The following SPMIP2 variants were observed in gnomAD, a reference collection of about 807,000 sequenced individuals.
SPMIP2 encodes protein SPMIP2.
chr4:158,894,438 C>T, the SPMIP2 span, among the ~76,000 whole-genome samples: 1 of 152,052 alleles, frequency 6.6e-6, no homozygotes, highest in East Asian at 1.9e-4. Flanking sequence ...TCCCAAAGTG[C>T]TAGGATTACA....
At chr4:159,055,072 T>C in the SPMIP2 span, among the ~76,000 whole-genome samples, 3 of 152,186 alleles carry the variant, frequency 2.0e-5, no homozygotes, top group Non-Finnish European at 2.9e-5. Flanking sequence ...ATCAGAAATA[T>C]TGGAGGCTGG....
At chr4:158,916,500 A>C in the SPMIP2 span, among the ~76,000 whole-genome samples, 1 of 152,184 alleles carries the variant, frequency 6.6e-6, no homozygotes, top group African/African-American at 2.4e-5. Context: ...GGCTGTCTCC[A>C]GCAGACCCTC....
chr4:159,027,443 A>T, the SPMIP2 span, among the ~76,000 whole-genome samples: 1 of 152,210 alleles, frequency 6.6e-6, no homozygotes, highest in Non-Finnish European at 1.5e-5. Context: ...ATTTTGATTC[A>T]GGGCAAACTG....
the SPMIP2 span, among the ~76,000 whole-genome samples, chr4:159,050,558 T>A: frequency 3.2e-4 from 49 of 152,190 alleles, no homozygotes; most frequent in African/African-American, 1.2e-3. Flanking sequence ...ATCCCAGCAC[T>A]TTATGAGGCT....
chr4:158,945,524 T>C, the SPMIP2 span, among the ~76,000 whole-genome samples: 3 of 151,932 alleles, frequency 2.0e-5, no homozygotes, highest in Non-Finnish European at 4.4e-5. Flanking sequence ...ATACAGTGAG[T>C]TCCAAGAAAA....
the SPMIP2 span, among the ~76,000 whole-genome samples, chr4:158,956,304 G>A: frequency 2.0e-4 from 30 of 152,192 alleles, no homozygotes; most frequent in African/African-American, 9.7e-5. Flanking sequence ...GGTGGCTCAC[G>A]CCTGTAATCC....
chr4:159,072,726 G>A, the SPMIP2 span, among the ~76,000 whole-genome samples: 27 of 152,108 alleles, frequency 1.8e-4, no homozygotes, highest in South Asian at 5.6e-3. Flanking sequence ...GCCTCCCAAA[G>A]TGCTGGGATT....
At chr4:159,069,830 C>A in the SPMIP2 span, among the ~76,000 whole-genome samples, 128 of 151,956 alleles carry the variant, frequency 8.4e-4, no homozygotes, top group Non-Finnish European at 1.2e-3. Flanking sequence ...TCTTGACTAA[C>A]CATTTAAATA....
At chr4:158,978,611 G>A in the SPMIP2 span, among the ~76,000 whole-genome samples, 1 of 152,190 alleles carries the variant, frequency 6.6e-6, no homozygotes, top group Non-Finnish European at 1.5e-5. Context: ...TGTACTGAGT[G>A]CATATATATT....
chr4:158,922,766 C>T, the SPMIP2 span, among the ~76,000 whole-genome samples: 10,380 of 152,222 alleles, frequency 0.068, 469 homozygotes, highest in African/African-American at 0.13. Context: ...CCCCTTCCTC[C>T]AGCCCCTAGC....
the SPMIP2 span, among the ~76,000 whole-genome samples, chr4:158,985,039 T>G: frequency 6.6e-6 from 1 of 150,684 alleles, no homozygotes; most frequent in Non-Finnish European, 1.5e-5. Flanking sequence ...CTAGAAGAAA[T>G]GGATAAATTC....
chr4:158,992,775 G>A, the SPMIP2 span, among the ~76,000 whole-genome samples: 64 of 152,298 alleles, frequency 4.2e-4, no homozygotes, highest in African/African-American at 1.4e-3. Flanking sequence ...CAGGTGGAAG[G>A]ACAAGCAAGC....
At chr4:159,019,313 A>AAAT in the SPMIP2 span, among the ~76,000 whole-genome samples, 643 of 150,430 alleles carry the variant, frequency 4.3e-3, 7 homozygotes, top group African/African-American at 0.015. Flanking sequence ...AAAAAAAAAA[A>AAAT]AGCAAACCAT....
At chr4:158,958,511 A>G in the SPMIP2 span, among the ~76,000 whole-genome samples, 1 of 152,236 alleles carries the variant, frequency 6.6e-6, no homozygotes, top group African/African-American at 2.4e-5. Flanking sequence ...CAAGAAGGGC[A>G]TATACTGAGG....
chr4:158,962,636 C>T, the SPMIP2 span, among the ~76,000 whole-genome samples: 1 of 152,208 alleles, frequency 6.6e-6, no homozygotes, highest in African/African-American at 2.4e-5. Context: ...TTTCTTCCCA[C>T]AGCCTGTGAG....
the SPMIP2 span, among the ~76,000 whole-genome samples, chr4:159,051,073 C>T: frequency 3.4e-3 from 519 of 150,700 alleles, 3 homozygotes; most frequent in African/African-American, 0.012. Flanking sequence ...CGCCACTGCA[C>T]TCCAGCCTGG....
chr4:159,042,146 T>C, the SPMIP2 span, among the ~76,000 whole-genome samples: 3 of 152,244 alleles, frequency 2.0e-5, no homozygotes, highest in African/African-American at 4.8e-5. Context: ...GAACTGATTG[T>C]ATCATTCAAT....
the SPMIP2 span, among the ~76,000 whole-genome samples, chr4:159,066,432 C>G: frequency 6.6e-6 from 1 of 151,902 alleles, no homozygotes. Context: ...AGACAGAGAG[C>G]TAAAACCAAC....
chr4:159,058,494 T>A, the SPMIP2 span, among the ~76,000 whole-genome samples: 1 of 152,230 alleles, frequency 6.6e-6, no homozygotes, highest in African/African-American at 2.4e-5. Flanking sequence ...TAAAAATGTA[T>A]GTCATTTTTA....
Sources: gnomAD v4.1 joint callset for allele counts (sites outside exome capture counted in the v4.1 genomes callset) on GRCh38, gnomAD v4.1.1 for gene constraint, MANE v1.5 for transcripts, NCBI Gene and HGNC (gene_info 2026-07-23, HGNC 2026-07-21) for gene names.